IGF2BP1: variants seen among roughly 807,000 people sequenced by gnomAD.
IGF2BP1 encodes insulin-like growth factor 2 mRNA-binding protein 1.
Under a neutral mutation model 74.9 loss-of-function variants are expected in IGF2BP1, and 11 were observed. That is an observed-to-expected ratio of 0.15 (90% confidence interval 0.09 to 0.24). The LOEUF is 0.24. Ranked by LOEUF, IGF2BP1 falls within the 10% of genes least tolerant of loss-of-function variation. The probability of loss-of-function intolerance (pLI) is 1.00; values close to 1 mark genes in which losing one functional copy is unlikely to be tolerated. For synonymous variants in IGF2BP1, 287 were observed against 281.8 expected, an observed-to-expected ratio of 1.02 and a Z score of -0.18; for missense variants, 440 against 757.4, an observed-to-expected ratio of 0.58 and a Z score of 4.92.
intron 2 of IGF2BP1, among the ~76,000 whole-genome samples, chr17:49,023,058 C>T (rs2041811633): frequency 6.6e-6 from 1 of 152,214 alleles, no homozygotes. Context: ...TTTCTTCCGG[C>T]AGTTTTGCTT....
intron 2 of IGF2BP1, among the ~76,000 whole-genome samples, chr17:49,024,872 A>G (rs943385951): frequency 1.3e-5 from 2 of 152,232 alleles, no homozygotes; most frequent in African/African-American, 4.8e-5. Flanking sequence ...GTAGGTATCA[A>G]TTAAATGGTT....
intron 2 of IGF2BP1, chr17:49,004,536 G>C (rs2041525853): frequency 6.6e-6 from 1 of 152,230 alleles, no homozygotes; most frequent in African/African-American, 2.4e-5. Context: ...GAACCTTAAA[G>C]AGTTAAGTGT....
At chr17:49,046,047 GC>G in intron 13 of IGF2BP1, 26 bp downstream of exon 13, 1 of 1,611,896 alleles carries the variant, frequency 6.2e-7, no homozygotes, top group African/African-American at 1.3e-5. Flanking sequence ...CAGGTTGAAA[GC>G]CCTGGGCCTT....
chr17:48,999,177 A>G lies in IGF2BP1; in HGVS notation c.236+8A>G. ...GGTGCCCAAAAAACAAAGGTAGGAA[A>G]GAGCTCTTTTCGGGGGGGGTGGGGG... On this transcript the variant is annotated splice_region_variant and intron_variant, in intron 2 of 14. Coordinates refer to ENST00000290341, the MANE Select transcript of IGF2BP1 (RefSeq NM_006546.4). 2 of 796,880 alleles carry G rather than the reference A, an allele frequency of 2.5e-6. No individual in the cohort carries two copies. Among genetic ancestry groups the G allele is most frequent in the South Asian group, 1.4e-5 (1 of 71,232 alleles). The allele number at this position is 796,880 out of a possible 1,614,324, so 49.4% of individuals were successfully genotyped here.
chr17:49,013,245 G>T (rs2041643909), intron 2 of IGF2BP1, among the ~76,000 whole-genome samples: 1 of 152,200 alleles, frequency 6.6e-6, no homozygotes, highest in Admixed American at 6.5e-5. Flanking sequence ...GTCCTACTCT[G>T]CATGGGGGCG....
intron 7 of IGF2BP1, among the ~76,000 whole-genome samples, chr17:49,040,928 G>A (rs1482288969): frequency 6.6e-6 from 1 of 152,206 alleles, no homozygotes; most frequent in African/African-American, 2.4e-5. Context: ...TATTGGCTGG[G>A]CACGGTGGCT....
chr17:49,049,587 A>G lies in IGF2BP1; in HGVS notation c.*143A>G. The G allele has an allele frequency of 9.1e-6, 6 of 657,942 alleles. No individual in the cohort carries two copies. The highest frequency in any genetic ancestry group is 7.4e-5 in the South Asian group (4 of 54,094). The allele number at this position is 657,942 out of a possible 1,614,324, so 40.8% of individuals were successfully genotyped here. On this transcript the variant is annotated 3_prime_UTR_variant, in exon 15 of 15. Coordinates refer to ENST00000290341, the MANE Select transcript of IGF2BP1 (RefSeq NM_006546.4). The stretch of plus-strand genomic sequence containing the variant: ...TCAGGTTTGCCCACTTGATTGAGAA[A>G]GATGTTCCAGTGAGGAACCCTGATC...
upstream of IGF2BP1, chr17:48,997,309 G>T (rs1188685883): frequency 6.5e-6 from 1 of 153,596 alleles, no homozygotes; most frequent in Non-Finnish European, 1.4e-5. This position sits in a 1 kb window ranked among gnomAD's most constrained non-coding sequence, Gnocchi z 4.8. Flanking sequence ...GCCCTGTGGC[G>T]TCGGGGGTCT....
intron 2 of IGF2BP1, among the ~76,000 whole-genome samples, chr17:49,014,281 C>T (rs1334970498): frequency 1.6e-5 from 2 of 122,982 alleles, no homozygotes; most frequent in Admixed American, 8.2e-5. Context: ...TCAGTCTCAG[C>T]CCCCCAGTCG....
chr17:49,008,001 G>A (rs1371695516), intron 2 of IGF2BP1, among the ~76,000 whole-genome samples: 3 of 151,904 alleles, frequency 2.0e-5, no homozygotes, highest in Non-Finnish European at 2.9e-5. Flanking sequence ...GTGAAACCCC[G>A]TCTCTACTAA....
rs2042156263 is a variant in IGF2BP1, at chr17:49,050,589, A to G, written c.*1145A>G. On this transcript the variant is annotated 3_prime_UTR_variant, in exon 15 of 15. Transcript: ENST00000290341. ...CCAACCCTGAGCTCCCGATAAAGCT[A>G]AAGTCCATCATCTGGCAAATTCAGT... 6.6e-6 allele frequency: 1 copy of G among 152,190 alleles called. No homozygotes were observed. The highest frequency in any genetic ancestry group is 2.4e-5 in the African/African-American group (1 of 41,458). 9.4% of individuals were successfully genotyped at this position (152,190 alleles called of 1,614,324 possible). A position where few individuals can be genotyped will look rare whatever the true frequency, so the allele number is the denominator to read the frequency against.
At chr17:49,037,398 A>G (rs2042002525) in intron 5 of IGF2BP1, 1 of 494,966 alleles carries the variant, frequency 2.0e-6, no homozygotes, top group South Asian at 2.2e-5. Flanking sequence ...GAATTTCTAC[A>G]AAGAGAAGGC....
At chr17:49,015,387 C>G (rs1394627279) in intron 2 of IGF2BP1, among the ~76,000 whole-genome samples, 1 of 152,190 alleles carries the variant, frequency 6.6e-6, no homozygotes, top group African/African-American at 2.4e-5. Context: ...CTTCCTGCCC[C>G]CCACCTTTCC....
chr17:49,029,208 G>A (rs1567820186), intron 4 of IGF2BP1, among the ~76,000 whole-genome samples: 1 of 152,188 alleles, frequency 6.6e-6, no homozygotes, highest in Admixed American at 6.5e-5. Context: ...CTCCACAAAG[G>A]CAGAGGTTTT....
chr17:49,039,024 C>T (rs960523115), intron 6 of IGF2BP1, among the ~76,000 whole-genome samples: 40 of 151,460 alleles, frequency 2.6e-4, no homozygotes, highest in African/African-American at 6.3e-4. Flanking sequence ...ATTACAGGCG[C>T]GTGCCACCAT....
At chr17:49,039,410 C>T (rs1327587728) in intron 6 of IGF2BP1, among the ~76,000 whole-genome samples, 3 of 152,072 alleles carry the variant, frequency 2.0e-5, no homozygotes, top group Non-Finnish European at 4.4e-5. Context: ...TCCCCAACCA[C>T]TGCTTGCTTA....
chr17:49,038,031 GAGGTAGTGGGC>G, intron 5 of IGF2BP1, 126 bp from the exon 6 acceptor site: 1 of 655,514 alleles, frequency 1.5e-6, no homozygotes, highest in South Asian at 5.2e-5. Context: ...AATGGAGGTG[GAGGTAGTGGGC>G]AGGTGACTAT....
In IGF2BP1 at chr17:49,005,380, C is replaced by T. The variant is rs538550295; in HGVS notation, c.236+6211C>T. 8.5e-5 allele frequency among the ~76,000 whole-genome samples: 13 copies of T among 152,308 alleles called. No homozygotes were observed. The South Asian group carries it at 2.7e-3, about 32-fold the overall frequency. ...TCCCAGGAGCATGGCTGGTCGTAAGCAAACTGCTTTTGACTGAAATAGAGA... is the reference window on the plus strand; with the variant it reads ...TCCCAGGAGCATGGCTGGTCGTAAGTAAACTGCTTTTGACTGAAATAGAGA... On this transcript the variant is annotated intron_variant, in intron 2 of 14. Transcript: ENST00000290341.
chr17:49,014,298 C>T (rs963500234), intron 2 of IGF2BP1, among the ~76,000 whole-genome samples: 3 of 139,886 alleles, frequency 2.1e-5, no homozygotes, highest in Non-Finnish European at 4.7e-5. Context: ...GTCGCCGTCC[C>T]CCTCTGTCTC....
Sources: allele counts gnomAD v4.1 joint callset (sites outside exome capture counted in the v4.1 genomes callset), GRCh38; gene constraint gnomAD v4.1.1; non-coding constraint Gnocchi (gnomAD v3.1); transcripts MANE v1.5; gene names NCBI Gene and HGNC (gene_info 2026-07-23, HGNC 2026-07-21).